Variants in SLC7A2 observed in about 807,000 individuals in gnomAD.
The protein encoded by SLC7A2 is cationic amino acid transporter 2.
Under a neutral mutation model 58.9 loss-of-function variants are expected in SLC7A2, and 48 were observed. That is an observed-to-expected ratio of 0.82 (90% confidence interval 0.65 to 1.04). SLC7A2 has a LOEUF of 1.04. SLC7A2 is among the 50% of genes least tolerant of loss of function. The pLI, the probability that SLC7A2 is intolerant of heterozygous loss-of-function variation, is 0.00. For missense variants in SLC7A2, 1,029 were observed against 818.8 expected (o/e 1.26, Z -3.13); for synonymous variants, 363 against 314.5 (o/e 1.15, Z -1.63).
chr8:17,564,957 G>A lies in SLC7A2; in HGVS notation c.1788G>A (p.Leu596=). The A allele has an allele frequency of 6.4e-7, 1 of 1,574,162 alleles. No individual in the cohort carries two copies. The highest frequency in any genetic ancestry group is 8.6e-7 in the Non-Finnish European group (1 of 1,164,410). The part of the protein sequence containing the change: ...RFSIWMAIGF[L]IYFSYGIRHS... ...TTTTTCCTGCCCCAACAGGCTTCCTGATTTACTTTTCTTATGGCATTAGAC... is the reference window on the plus strand; with the variant it reads ...TTTTTCCTGCCCCAACAGGCTTCCTAATTTACTTTTCTTATGGCATTAGAC... Residue 596 remains leucine (L), a synonymous_variant, in exon 13 of 13, where the codon CTG becomes CTA. Transcript: ENST00000494857.
At chr8:17,530,399 T>C (rs772030992) in intron 2 of SLC7A2, among the ~76,000 whole-genome samples, 19 of 152,040 alleles carry the variant, frequency 1.2e-4, no homozygotes, top group Non-Finnish European at 2.5e-4. Context: ...AGAAGACTTA[T>C]GTGCTAAGGG....
rs192251071 is a variant in SLC7A2, at chr8:17,556,965, A to T, written c.1196-1330A>T. Among the ~76,000 whole-genome samples the T allele has an allele frequency of 3.9e-5, 6 of 152,266 alleles. No homozygotes were observed. The East Asian group carries it at 1.2e-3, about 29-fold the overall frequency. ...TAAAAGAAACACTGTGATCTTGTAG[A>T]AGGAACATGGGGCTGTTGGATAAGG... On this transcript the variant is annotated intron_variant, in intron 8 of 12. Coordinates refer to ENST00000494857, the MANE Select transcript of SLC7A2 (RefSeq NM_001370338.1).
At chr8:17,510,167 C>T (rs1800544004) in intron 2 of SLC7A2, among the ~76,000 whole-genome samples, 2 of 151,896 alleles carry the variant, frequency 1.3e-5, no homozygotes, top group Non-Finnish European at 2.9e-5. Context: ...TTGCAGTGAG[C>T]CAAGATAGCA....
At chr8:17,517,660 T>C (rs1800855551) in intron 2 of SLC7A2, among the ~76,000 whole-genome samples, 1 of 152,118 alleles carries the variant, frequency 6.6e-6, no homozygotes, top group Non-Finnish European at 1.5e-5. Flanking sequence ...ATTGCTTACC[T>C]TTAATAACTA....
chr8:17,547,117 A>T (rs548523440), intron 4 of SLC7A2, among the ~76,000 whole-genome samples: 2 of 152,322 alleles, frequency 1.3e-5, no homozygotes, highest in East Asian at 1.9e-4. Flanking sequence ...GTCCATTTTC[A>T]TACTGCTATG....
chr8:17,549,848 T>C (rs901266197), intron 5 of SLC7A2, among the ~76,000 whole-genome samples: 1 of 152,186 alleles, frequency 6.6e-6, no homozygotes, highest in African/African-American at 2.4e-5. Flanking sequence ...CTAGGAAGTT[T>C]TGTTTCGTGT....
In SLC7A2 at chr8:17,568,809, C is replaced by G. The variant is rs192600825; in HGVS notation, c.*3663C>G. 2 of 150,994 alleles carry G rather than the reference C, an allele frequency of 1.3e-5. No individual in the cohort carries two copies. Among genetic ancestry groups the G allele is most frequent in the Non-Finnish European group, 2.9e-5 (2 of 67,846 alleles). 9.4% of individuals were successfully genotyped at this position (150,994 alleles called of 1,614,324 possible). On this transcript the variant is annotated 3_prime_UTR_variant, in exon 13 of 13. Coordinates refer to ENST00000494857, the MANE Select transcript of SLC7A2 (RefSeq NM_001370338.1). ...CAAGACCCTGTCTCTACAAAAAAAA[C>G]AAAAATTAGCTGGGCATGGTGGCAT...
chr8:17,501,851 G>A (rs1182233512), intron 1 of SLC7A2, among the ~76,000 whole-genome samples: 2 of 148,970 alleles, frequency 1.3e-5, no homozygotes, highest in African/African-American at 5.0e-5. Context: ...AGTGATGCGA[G>A]AACATTCCAT....
rs759602288 is a variant in SLC7A2 at position 17,560,428 on chromosome 8, A to G, written c.1399A>G (p.Thr467Ala). 2 of 1,614,050 alleles carry G rather than the reference A, an allele frequency of 1.2e-6. No individual in the cohort carries two copies. Among genetic ancestry groups the G allele is most frequent in the Non-Finnish European group, 1.7e-6 (2 of 1,179,932 alleles). ...AACCTCGAAGAGTGAGTCCCAGGTC[A>G]CCATGCTGCAGAGACAGGGCTTCAG... Reference protein sequence around the residue: ...RVTSKSESQVTMLQRQGFSMR... With the variant: ...RVTSKSESQVAMLQRQGFSMR... Residue 467 changes from threonine to alanine, a missense_variant, in exon 10 of 13, where the codon ACC becomes GCC. Transcript: ENST00000494857.
In SLC7A2 at chr8:17,543,391, A is replaced by G. The variant is rs773926958; in HGVS notation, c.52A>G (p.Lys18Glu). ...CTTTGCCCGATGTCTGATCCGGAGA[A>G]AAATCGTGACCCTGGACAGTCTAGA... is the stretch of plus-strand genomic sequence containing the variant. ...LTFARCLIRR[K>E]IVTLDSLEDT... Residue 18 changes from lysine to glutamate, a missense_variant, in exon 3 of 13, where the codon AAA becomes GAA. Coordinates refer to ENST00000494857, the MANE Select transcript of SLC7A2 (RefSeq NM_001370338.1). The G allele has an allele frequency of 1.3e-5, 21 of 1,614,136 alleles. No individual in the cohort carries two copies. Among genetic ancestry groups the G allele is most frequent in the Non-Finnish European group, 1.8e-5 (21 of 1,180,014 alleles).
upstream of SLC7A2, among the ~76,000 whole-genome samples, chr8:17,496,172 A>C (rs1268951629): frequency 6.6e-6 from 1 of 152,124 alleles, no homozygotes; most frequent in Non-Finnish European, 1.5e-5. Flanking sequence ...TCAAGCCTGT[A>C]ATTCTCAGCC....
chr8:17,502,098 T>C (rs1471954216), intron 1 of SLC7A2, among the ~76,000 whole-genome samples, 159 bp from the exon 2 acceptor site: 1 of 151,500 alleles, frequency 6.6e-6, no homozygotes, highest in Non-Finnish European at 1.5e-5. Context: ...ACCATATGTA[T>C]ATATAATTAT....
rs542142780 is a variant in SLC7A2, at chr8:17,499,829, C to G, written c.-68-2428C>G. 2.6e-5 allele frequency among the ~76,000 whole-genome samples: 4 copies of G among 152,060 alleles called. No individual in the cohort carries two copies. In the South Asian group the frequency reaches 6.2e-4, roughly 24 times the overall value. ...GATATTAAAAACCATATAGATACAA[C>G]CTTGAATGACAACAGAAAACTAATG... On this transcript the variant is annotated intron_variant, in intron 1 of 12. Transcript: ENST00000494857.
At chr8:17,536,141 G>T (rs1801655775) in intron 2 of SLC7A2, among the ~76,000 whole-genome samples, 1 of 151,094 alleles carries the variant, frequency 6.6e-6, no homozygotes, top group Non-Finnish European at 1.5e-5. Context: ...AATGTTTTTA[G>T]TAAGTACTGT....
At chr8:17,557,624 T>C (rs1802767939) in intron 8 of SLC7A2, among the ~76,000 whole-genome samples, 2 of 152,228 alleles carry the variant, frequency 1.3e-5, no homozygotes, top group Admixed American at 6.5e-5. Context: ...TGAGGCCAGT[T>C]CGAGACCAGC....
intron 1 of SLC7A2, chr8:17,499,966 T>G (rs928084393): frequency 3.0e-4 from 46 of 152,238 alleles, no homozygotes; most frequent in African/African-American, 1.1e-3. Flanking sequence ...TGAATGCCAC[T>G]GATTTCAACA....
intron 2 of SLC7A2, among the ~76,000 whole-genome samples, chr8:17,537,420 T>A (rs1191333300): frequency 6.6e-6 from 1 of 152,142 alleles, no homozygotes; most frequent in African/African-American, 2.4e-5. Flanking sequence ...CCAGTGTGTG[T>A]GACTTCAGCC....
intron 11 of SLC7A2, among the ~76,000 whole-genome samples, chr8:17,562,876 C>T (rs183141478): frequency 6.4e-4 from 98 of 152,292 alleles, no homozygotes; most frequent in Non-Finnish European, 1.2e-3. Flanking sequence ...TGTGGTGCCT[C>T]ACACCTGTAA....
Position 17,563,694 on chromosome 8 carries a change from G to T in SLC7A2, c.1763G>T (p.Ser588Ile), listed in dbSNP as rs1038285513. Reference protein sequence around the residue: ...QLSADTWVRFSIWMAIGFLIY... With the variant: ...QLSADTWVRFIIWMAIGFLIY... ...AGTGCAGACACTTGGGTCAGATTCAGCATTTGGATGGCAATTGGTAGGTCT... is the reference window on the plus strand; with the variant it reads ...AGTGCAGACACTTGGGTCAGATTCATCATTTGGATGGCAATTGGTAGGTCT... Residue 588 changes from serine to isoleucine, a missense_variant, in exon 12 of 13, where the codon AGC becomes ATC. By Grantham distance (142) the Ser-to-Ile change is moderately radical (BLOSUM62 -2). Transcript: ENST00000494857. The T allele has an allele frequency of 1.2e-6, 2 of 1,600,738 alleles. No homozygotes were observed. Among genetic ancestry groups the T allele is most frequent in the African/African-American group, 2.7e-5 (2 of 74,618 alleles).
Sources: allele counts gnomAD v4.1 joint callset (sites outside exome capture counted in the v4.1 genomes callset), GRCh38; gene constraint gnomAD v4.1.1; transcripts MANE v1.5; gene names NCBI Gene and HGNC (gene_info 2026-07-23, HGNC 2026-07-21).